IGSF21: variants seen among roughly 807,000 people sequenced by gnomAD.
IGSF21 encodes immunoglobin superfamily member 21, also known as immunoglobulin superfamily member 21.
Under a neutral mutation model 46.8 loss-of-function variants are expected in IGSF21, and 28 were observed. That is an observed-to-expected ratio of 0.60 (90% CI 0.44 to 0.82). IGSF21 has a LOEUF of 0.82. IGSF21 is among the 40% of genes least tolerant of loss of function. The pLI, the probability that IGSF21 is intolerant of heterozygous loss-of-function variation, is 0.00. For missense variants in IGSF21, 624 were observed against 665.5 expected (o/e 0.94, Z 0.69); for synonymous variants, 284 against 273.6 (o/e 1.04, Z -0.38).
chr1:18,341,914 T>C (rs1365320522), intron 4 of IGSF21, among the ~76,000 whole-genome samples: 1 of 152,140 alleles, frequency 6.6e-6, no homozygotes, highest in Non-Finnish European at 1.5e-5. Context: ...ACCATATGCT[T>C]TGCAAGTCTG....
At chr1:18,371,454 C>T (rs1198454296) in intron 6 of IGSF21, among the ~76,000 whole-genome samples, 2 of 152,068 alleles carry the variant, frequency 1.3e-5, no homozygotes, top group Admixed American at 1.3e-4. Flanking sequence ...TGCCTGTAGG[C>T]CCAACTACTT....
intron 1 of IGSF21, among the ~76,000 whole-genome samples, chr1:18,216,526 C>T (rs1247107189): frequency 6.6e-6 from 1 of 152,178 alleles, no homozygotes; most frequent in Admixed American, 6.5e-5. Context: ...GACCAGTGAG[C>T]TGGCTATTGC....
chr1:18,189,784 A>C (rs1305471343), intron 1 of IGSF21, among the ~76,000 whole-genome samples: 1 of 152,156 alleles, frequency 6.6e-6, no homozygotes, highest in African/African-American at 2.4e-5. Flanking sequence ...GTAAACATAG[A>C]TGAAGCTTGC....
intron 1 of IGSF21, among the ~76,000 whole-genome samples, chr1:18,162,087 G>A (rs1260235464): frequency 6.6e-6 from 1 of 151,938 alleles, no homozygotes; most frequent in African/African-American, 2.4e-5. Context: ...CACCTAGGCT[G>A]GAGTGCAGTG....
chr1:18,324,694 A>C (rs2085640774), intron 3 of IGSF21, among the ~76,000 whole-genome samples: 1 of 152,190 alleles, frequency 6.6e-6, no homozygotes, highest in South Asian at 2.1e-4. Flanking sequence ...CTCACAAGAC[A>C]GGTCCCTTAG....
At chr1:18,253,383 C>T (rs1285654248) in intron 2 of IGSF21, among the ~76,000 whole-genome samples, 1 of 152,164 alleles carries the variant, frequency 6.6e-6, no homozygotes, top group African/African-American at 2.4e-5. Context: ...GCAGGGGAGC[C>T]AATGCACACC....
chr1:18,319,523 CTT>C (rs1200438472), intron 3 of IGSF21, among the ~76,000 whole-genome samples: 4 of 150,564 alleles, frequency 2.7e-5, no homozygotes, highest in African/African-American at 1.0e-4. Flanking sequence ...GAAGATGAAA[CTT>C]TGTCTTTGAC....
chr1:18,246,944 A>T (rs1325327871), intron 2 of IGSF21, among the ~76,000 whole-genome samples: 3 of 152,012 alleles, frequency 2.0e-5, no homozygotes, highest in African/African-American at 7.2e-5. Flanking sequence ...AGAGCTCTCC[A>T]TGCACCACCG....
intron 1 of IGSF21, among the ~76,000 whole-genome samples, chr1:18,212,056 G>A (rs74058379): frequency 2.0e-5 from 3 of 152,342 alleles, no homozygotes; most frequent in African/African-American, 7.2e-5. Context: ...GCAGCTGATG[G>A]GGGTGGAGGG....
At chr1:18,284,748 C>T (rs1471740360) in intron 2 of IGSF21, among the ~76,000 whole-genome samples, 1 of 152,194 alleles carries the variant, frequency 6.6e-6, no homozygotes, top group African/African-American at 2.4e-5. Flanking sequence ...CCCTAACTAC[C>T]ATGAAAGGCA....
chr1:18,293,466 T>C (rs2085286137), intron 3 of IGSF21, among the ~76,000 whole-genome samples: 1 of 152,210 alleles, frequency 6.6e-6, no homozygotes, highest in Non-Finnish European at 1.5e-5. Context: ...CTCTGGGCTC[T>C]GTGCCAGGAC....
intron 1 of IGSF21, among the ~76,000 whole-genome samples, chr1:18,119,509 A>G (rs993012737): frequency 3.6e-4 from 55 of 152,322 alleles, no homozygotes; most frequent in African/African-American, 1.2e-3. Context: ...CTGGTCTAGG[A>G]CAATGTTCCT....
In IGSF21 at chr1:18,365,281, C is replaced by T. The variant is rs1372579143; in HGVS notation, c.599C>T (p.Ala200Val). ...GCAGTGCCCCTATCAGAGCCACCAG[C>T]TGCGAGCTCCGGCCCCCTACAGGAC... ...IDAVPLSEPPAASSGPLQDSR... is the reference protein window; with the variant it reads ...IDAVPLSEPPVASSGPLQDSR... Residue 200 changes from alanine to valine, a missense_variant, in exon 6 of 10, where the codon GCT becomes GTT. Ala to Val is a moderately conservative substitution (Grantham distance 64, BLOSUM62 0). Transcript: ENST00000251296. The surrounding 1 kb of genome is among the most constrained non-coding windows in gnomAD (Gnocchi z 4.8). 6.2e-7 allele frequency: 1 copy of T among 1,613,816 alleles called. No individual in the cohort carries two copies. The highest frequency in any genetic ancestry group is 1.3e-5 in the African/African-American group (1 of 75,034).
chr1:18,296,388 A>C (rs2085312487), intron 3 of IGSF21, among the ~76,000 whole-genome samples: 1 of 152,056 alleles, frequency 6.6e-6, no homozygotes, highest in South Asian at 2.1e-4. Flanking sequence ...GAAGACCCAC[A>C]GAAGTGGTTC....
intron 1 of IGSF21, among the ~76,000 whole-genome samples, chr1:18,169,360 T>C (rs1019848104): frequency 3.9e-5 from 6 of 152,164 alleles, no homozygotes; most frequent in African/African-American, 7.2e-5. Flanking sequence ...CTGGGAGTGG[T>C]TGAAGACGAA....
At chr1:18,349,901 A>G (rs989299976) in intron 4 of IGSF21, among the ~76,000 whole-genome samples, 2 of 152,010 alleles carry the variant, frequency 1.3e-5, no homozygotes, top group South Asian at 4.2e-4. Flanking sequence ...TCTTAAAAAA[A>G]AAACCACTAA....
At chr1:18,278,207 C>T (rs559202) in intron 2 of IGSF21, among the ~76,000 whole-genome samples, 2,694 of 48,846 alleles carry the variant, frequency 0.055, 39 homozygotes, top group East Asian at 0.41. Flanking sequence ...TGGCTGCATT[C>T]ATTTATTTAT....
chr1:18,262,998 T>C (rs927803564), intron 2 of IGSF21, among the ~76,000 whole-genome samples: 6 of 152,004 alleles, frequency 3.9e-5, no homozygotes, highest in Non-Finnish European at 8.8e-5. Flanking sequence ...CTCCCTTGAG[T>C]ATGTGGGGGA....
chr1:18,198,537 G>T (rs925239835), intron 1 of IGSF21, among the ~76,000 whole-genome samples: 11 of 152,232 alleles, frequency 7.2e-5, no homozygotes, highest in Admixed American at 7.2e-4. Context: ...CACGTAGCCA[G>T]ACCTTAAAAA....
Sources: gnomAD v4.1 joint callset for allele counts (sites outside exome capture counted in the v4.1 genomes callset) on GRCh38, gnomAD v4.1.1 for gene constraint, Gnocchi (gnomAD v3.1) non-coding constraint, MANE v1.5 for transcripts, NCBI Gene and HGNC (gene_info 2026-07-23, HGNC 2026-07-21) for gene names.